Variants in RAP2A observed in about 807,000 individuals in gnomAD.
RAP2A encodes ras-related protein Rap-2a.
RAP2A carries 5 observed loss-of-function variants against 15.1 expected under a neutral mutation model. The observed-to-expected ratio is 0.33, with a 90% CI of 0.17 to 0.70. The LOEUF (loss-of-function observed/expected upper bound fraction) is 0.70, where lower values mean the gene tolerates loss of function less well. Ranked by LOEUF, RAP2A falls within the 30% of genes least tolerant of loss-of-function variation. The pLI, the probability that RAP2A is intolerant of heterozygous loss-of-function variation, is 0.68. For synonymous variants in RAP2A, 110 were observed against 99.7 expected (o/e 1.10, Z -0.62); for missense variants, 111 against 240.3 (o/e 0.46, Z 3.56).
chr13:97,450,949 G>C (rs2066700076), intron 1 of RAP2A, among the ~76,000 whole-genome samples: 1 of 152,142 alleles, frequency 6.6e-6, no homozygotes, highest in African/African-American at 2.4e-5. Context: ...GAAATGTTTA[G>C]AACTATTGTT....
chr13:97,463,653 G>A (rs1014456631), intron 1 of RAP2A, among the ~76,000 whole-genome samples: 5 of 152,086 alleles, frequency 3.3e-5, no homozygotes, highest in Admixed American at 6.6e-5. Context: ...GCGGTGGCAC[G>A]ATCTCAGCTC....
At chr13:97,448,969 C>T (rs1293556587) in intron 1 of RAP2A, among the ~76,000 whole-genome samples, 1 of 152,128 alleles carries the variant, frequency 6.6e-6, no homozygotes, top group Non-Finnish European at 1.5e-5. Context: ...GCCATCATGC[C>T]AGCACATAGG....
chr13:97,456,444 C>CTT (rs906926299), intron 1 of RAP2A, among the ~76,000 whole-genome samples: 1 of 152,148 alleles, frequency 6.6e-6, no homozygotes, highest in Non-Finnish European at 1.5e-5. Context: ...GAGATAGGCA[C>CTT]TTTAATGGGC....
intron 1 of RAP2A, chr13:97,436,085 C>A (rs549331972): frequency 2.2e-4 from 34 of 152,296 alleles, no homozygotes; most frequent in African/African-American, 8.2e-4. Context: ...TGAGTATGCA[C>A]TTTAATCGCT....
chr13:97,443,276 T>A (rs2066665477), intron 1 of RAP2A, among the ~76,000 whole-genome samples: 1 of 152,236 alleles, frequency 6.6e-6, no homozygotes, highest in Non-Finnish European at 1.5e-5. Flanking sequence ...TTCTCATGCT[T>A]TCCTGACCCT....
intron 1 of RAP2A, 133 bp from the exon 2 acceptor site, chr13:97,464,071 TG>T: frequency 1.3e-6 from 1 of 749,980 alleles, no homozygotes; most frequent in Non-Finnish European, 2.2e-6. Context: ...TCAAGCCAAG[TG>T]GTACAAATCA....
chr13:97,449,130 T>G (rs2066691696), intron 1 of RAP2A, among the ~76,000 whole-genome samples: 1 of 152,162 alleles, frequency 6.6e-6, no homozygotes, highest in South Asian at 2.1e-4. Flanking sequence ...ACAGGCTGAT[T>G]GCCCAAGTTG....
intron 1 of RAP2A, among the ~76,000 whole-genome samples, chr13:97,445,452 GTTTA>G (rs2066675647): frequency 6.6e-6 from 1 of 152,106 alleles, no homozygotes. Context: ...ATTATTTTTA[GTTTA>G]TTTTTTATGA....
At chr13:97,459,211 C>G (rs1456684907) in intron 1 of RAP2A, among the ~76,000 whole-genome samples, 1 of 151,526 alleles carries the variant, frequency 6.6e-6, no homozygotes, top group Non-Finnish European at 1.5e-5. Flanking sequence ...ATACATTGAA[C>G]AGTTTGAGAA....
rs892243144 is a variant in RAP2A, at chr13:97,467,674, G to A, written c.*3232G>A. 2.8e-5 allele frequency: 2 copies of A among 70,272 alleles called. No homozygotes were observed. The highest frequency in any genetic ancestry group is 1.4e-4 in the Admixed American group (1 of 6,910). The allele number at this position is 70,272 out of a possible 1,614,324, so 4.4% of individuals were successfully genotyped here. A position where few individuals can be genotyped will look rare whatever the true frequency, so the allele number is the denominator to read the frequency against. ...CCAATCAAACATTAAGGACTATGGA[G>A]GTCTTTTTTTTTTTATTTAACATGT... On this transcript the variant is annotated 3_prime_UTR_variant, in exon 2 of 2. Transcript: ENST00000245304.
chr13:97,446,270 T>C (rs2039086), intron 1 of RAP2A, among the ~76,000 whole-genome samples: 6,933 of 151,808 alleles, frequency 0.046, 383 homozygotes, highest in East Asian at 0.21. Context: ...AACTCTCTCT[T>C]TTTTTTTAAA....
rs946538621 is a variant in RAP2A, at chr13:97,466,986, C to G, written c.*2544C>G. 2 of 152,344 alleles carry G rather than the reference C, an allele frequency of 1.3e-5. No individual in the cohort carries two copies. The highest frequency in any genetic ancestry group is 2.9e-5 in the Non-Finnish European group (2 of 68,028). 9.4% of individuals were successfully genotyped at this position (152,344 alleles called of 1,614,324 possible). On this transcript the variant is annotated 3_prime_UTR_variant, in exon 2 of 2. Transcript: ENST00000245304. Reference sequence around the variant, plus strand: ...GATTACATTTGTTGGCATACGAAACCTTAGTGGCTACAGAAGAAAGTTGAC... The same window carrying G: ...GATTACATTTGTTGGCATACGAAACGTTAGTGGCTACAGAAGAAAGTTGAC...
chr13:97,450,206 C>T (rs2153179720), intron 1 of RAP2A, among the ~76,000 whole-genome samples: 1 of 152,208 alleles, frequency 6.6e-6, no homozygotes, highest in Middle Eastern at 3.4e-3. Flanking sequence ...ACTGAATTTT[C>T]ATTCAAAACA....
intron 1 of RAP2A, among the ~76,000 whole-genome samples, chr13:97,461,790 T>G (rs2066746950): frequency 6.6e-6 from 1 of 151,468 alleles, no homozygotes; most frequent in South Asian, 2.1e-4. Flanking sequence ...GATGAAACCC[T>G]GTCTCTACTA....
chr13:97,434,430 A>G lies in RAP2A; in HGVS notation c.-41A>G, dbSNP rs2066623729. On this transcript the variant is annotated 5_prime_UTR_variant, in exon 1 of 2. An upstream start codon of the reference 5' UTR is lost. Transcript: ENST00000245304. ...GGCGCAGCGCGGCCGGCGTAGGTCT[A>G]TGTCGCGGGCGGCGGCGGCGGCGGC... 13 of 1,529,350 alleles carry G rather than the reference A, an allele frequency of 8.5e-6. No individual in the cohort carries two copies. Among genetic ancestry groups the G allele is most frequent in the South Asian group, 1.2e-5 (1 of 80,618 alleles). 94.7% of individuals were successfully genotyped at this position (1,529,350 alleles called of 1,614,324 possible).
At chr13:97,438,815 A>G (rs993825887) in intron 1 of RAP2A, among the ~76,000 whole-genome samples, 4 of 152,198 alleles carry the variant, frequency 2.6e-5, no homozygotes, top group Non-Finnish European at 5.9e-5. Context: ...CGTAGGTGAC[A>G]CAGCTCCTAC....
chr13:97,464,555 G>A lies in RAP2A; in HGVS notation c.*113G>A. 1 of 968,918 alleles carries A rather than the reference G, an allele frequency of 1.0e-6. No homozygotes were observed. The highest frequency in any genetic ancestry group is 1.6e-6 in the Non-Finnish European group (1 of 628,158). The allele number at this position is 968,918 out of a possible 1,614,324, so 60.0% of individuals were successfully genotyped here. The stretch of plus-strand genomic sequence containing the variant: ...GCGTGGTGTTAATCTACAGAGAACT[G>A]CAGCCCTTATTCAGAATTGAGCAGT... On this transcript the variant is annotated 3_prime_UTR_variant, in exon 2 of 2. Transcript: ENST00000245304.
chr13:97,458,150 T>G (rs1457530170), intron 1 of RAP2A, among the ~76,000 whole-genome samples: 2 of 152,154 alleles, frequency 1.3e-5, no homozygotes, highest in Non-Finnish European at 2.9e-5. Context: ...AAGCATCAGT[T>G]TTTTTGACGT....
At chr13:97,455,622 A>G (rs940126076) in intron 1 of RAP2A, among the ~76,000 whole-genome samples, 1 of 151,446 alleles carries the variant, frequency 6.6e-6, no homozygotes, top group African/African-American at 2.4e-5. Context: ...AGCCTTTACT[A>G]TGCTGTCTTG....
Sources: allele counts gnomAD v4.1 joint callset (sites outside exome capture counted in the v4.1 genomes callset), GRCh38; gene constraint gnomAD v4.1.1; transcripts MANE v1.5; gene names NCBI Gene and HGNC (gene_info 2026-07-23, HGNC 2026-07-21).